Variants in TNFRSF21 observed in about 807,000 individuals in gnomAD.
TNFRSF21 encodes tumor necrosis factor receptor superfamily member 21.
In TNFRSF21, 19 loss-of-function variants were observed where a neutral mutation model predicts 45.6. That is an observed-to-expected ratio of 0.42 (90% CI 0.29 to 0.61). TNFRSF21 has a LOEUF of 0.61. TNFRSF21 is among the 20% of genes least tolerant of loss of function. The probability of loss-of-function intolerance (pLI) is 0.23; values close to 1 mark genes in which losing one functional copy is unlikely to be tolerated. For synonymous variants in TNFRSF21, 314 were observed against 335.5 expected, an observed-to-expected ratio of 0.94 and a Z score of 0.70; for missense variants, 737 against 851.5, an observed-to-expected ratio of 0.87 and a Z score of 1.67.
At chr6:47,258,211 A>G (rs531074088) in intron 3 of TNFRSF21, among the ~76,000 whole-genome samples, 2 of 152,058 alleles carry the variant, frequency 1.3e-5, no homozygotes, top group Non-Finnish European at 2.9e-5. Context: ...TCTACTAAAA[A>G]TACAAAAAAT....
intron 4 of TNFRSF21, among the ~76,000 whole-genome samples, chr6:47,238,004 C>T (rs1411258316): frequency 1.3e-5 from 2 of 151,992 alleles, no homozygotes; most frequent in Non-Finnish European, 2.9e-5. Flanking sequence ...GAGCCAAGAT[C>T]GTGCCACTGC....
chr6:47,256,255 TG>T (rs1336661753), intron 3 of TNFRSF21, among the ~76,000 whole-genome samples: 1 of 152,182 alleles, frequency 6.6e-6, no homozygotes, highest in Non-Finnish European at 1.5e-5. Flanking sequence ...ATGGGCAGGG[TG>T]GCTCACACCT....
At chr6:47,245,237 G>A (rs1269820334) in intron 4 of TNFRSF21, among the ~76,000 whole-genome samples, 1 of 152,148 alleles carries the variant, frequency 6.6e-6, no homozygotes, top group African/African-American at 2.4e-5. Flanking sequence ...TCTCAAGTCT[G>A]GCTCACATAT....
intron 3 of TNFRSF21, among the ~76,000 whole-genome samples, chr6:47,276,444 A>G (rs1174271922): frequency 1.3e-5 from 2 of 152,228 alleles, no homozygotes; most frequent in East Asian, 3.9e-4. Context: ...AAATTCGAGA[A>G]AGCCTCCAAG....
In TNFRSF21 at chr6:47,234,888, T is replaced by A; in HGVS notation, c.1520A>T (p.Asp507Val). Reference protein sequence around the residue: ...LMEDTTQLETDKLALPMSPSP... With the variant: ...LMEDTTQLETVKLALPMSPSP... ...GGGGCTCATCGGGAGAGCTAGTTTGTCAGTTTCCAGCTGTAGGAGGGAAAA... is the reference window on the plus strand; with the variant it reads ...GGGGCTCATCGGGAGAGCTAGTTTGACAGTTTCCAGCTGTAGGAGGGAAAA... The change falls in exon 5 of 6, where the codon GAC (aspartate) becomes GTC (valine). Residue 507 changes from aspartate to valine, a missense_variant. Transcript: ENST00000296861. The A allele has an allele frequency of 7.2e-7, 1 of 1,380,056 alleles. No homozygotes were observed. Among genetic ancestry groups the A allele is most frequent in the Non-Finnish European group, 9.4e-7 (1 of 1,066,288 alleles). The allele number at this position is 1,380,056 out of a possible 1,614,324, so 85.5% of individuals were successfully genotyped here.
chr6:47,269,215 A>G (rs7768672), intron 3 of TNFRSF21, among the ~76,000 whole-genome samples: 2,050 of 151,580 alleles, frequency 0.014, 40 homozygotes, highest in African/African-American at 0.046. Flanking sequence ...ACACAGACAC[A>G]CACAGACACA....
intron 1 of TNFRSF21, among the ~76,000 whole-genome samples, chr6:47,300,852 A>C (rs1322997389): frequency 6.6e-6 from 1 of 152,238 alleles, no homozygotes; most frequent in African/African-American, 2.4e-5. Context: ...ATATACCCAA[A>C]GTCTAGCAAT....
chr6:47,252,984 C>G (rs964510885), intron 4 of TNFRSF21, among the ~76,000 whole-genome samples: 21 of 151,862 alleles, frequency 1.4e-4, no homozygotes, highest in Non-Finnish European at 2.8e-4. Flanking sequence ...CACGCTCTGC[C>G]CCCTGGAGAT....
chr6:47,257,547 G>A (rs1197570401), intron 3 of TNFRSF21, among the ~76,000 whole-genome samples: 4 of 152,210 alleles, frequency 2.6e-5, no homozygotes, highest in East Asian at 3.8e-4. Flanking sequence ...CCTTCCTTGT[G>A]TAGGAAAAAG....
intron 4 of TNFRSF21, among the ~76,000 whole-genome samples, chr6:47,246,925 A>T (rs1469151176): frequency 6.6e-6 from 1 of 152,156 alleles, no homozygotes; most frequent in Non-Finnish European, 1.5e-5. Context: ...ATAATTCCTC[A>T]TGCACACTTC....
intron 1 of TNFRSF21, among the ~76,000 whole-genome samples, chr6:47,305,297 G>A (rs1170830719): frequency 2.0e-5 from 3 of 152,090 alleles, no homozygotes; most frequent in Non-Finnish European, 4.4e-5. Flanking sequence ...AAGGGTGCTC[G>A]ATGCAGTTTC....
At chr6:47,287,280 C>T (rs1762663331) in intron 1 of TNFRSF21, among the ~76,000 whole-genome samples, 1 of 123,500 alleles carries the variant, frequency 8.1e-6, no homozygotes, top group South Asian at 2.6e-4. Flanking sequence ...GCACTCCAGC[C>T]TGGGTGACAA....
At chr6:47,255,165 T>C (rs1205618936) in intron 3 of TNFRSF21, among the ~76,000 whole-genome samples, 1 of 152,166 alleles carries the variant, frequency 6.6e-6, no homozygotes, top group Non-Finnish European at 1.5e-5. Context: ...GCATCTGTGG[T>C]CCCCAGATCT....
At chr6:47,287,307 C>CAAAAA (rs1164380285) in intron 1 of TNFRSF21, among the ~76,000 whole-genome samples, 168 of 20,428 alleles carry the variant, frequency 8.2e-3, no homozygotes, top group Middle Eastern at 0.05. Flanking sequence ...AACTCTTTCT[C>CAAAAA]AAAAAAAAAA....
At chr6:47,233,329 T>C (rs1193824377) in intron 5 of TNFRSF21, among the ~76,000 whole-genome samples, 1 of 152,206 alleles carries the variant, frequency 6.6e-6, no homozygotes, top group Non-Finnish European at 1.5e-5. Context: ...AGAAGGTGAA[T>C]GGTGAGATAC....
chr6:47,280,034 A>T (rs928474052), intron 3 of TNFRSF21, among the ~76,000 whole-genome samples: 4 of 152,218 alleles, frequency 2.6e-5, no homozygotes, highest in African/African-American at 9.6e-5. Flanking sequence ...AAAAACTATA[A>T]GTCCATGGTA....
chr6:47,253,504 G>C lies in TNFRSF21; in HGVS notation c.1261C>G (p.Leu421Val), dbSNP rs768212691. 1.2e-6 allele frequency: 2 copies of C among 1,612,364 alleles called. No homozygotes were observed. Among genetic ancestry groups the C allele is most frequent in the Non-Finnish European group, 8.5e-7 (1 of 1,180,008 alleles). The change falls in exon 4 of 6, where the codon CTT becomes GTT. Residue 421 changes from leucine (L) to valine (V), a missense_variant. Transcript: ENST00000296861. ...TGGCTTCCCACTTGGGCTGCTACAA[G>C]CTTCAGGATATCGATACCTACACCA... is the stretch of plus-strand genomic sequence containing the variant. ...CNGHGIDILKLVAAQVGSQWK... is the reference protein window; with the variant it reads ...CNGHGIDILKVVAAQVGSQWK...
chr6:47,277,537 T>G (rs913833318), intron 3 of TNFRSF21, among the ~76,000 whole-genome samples: 3 of 152,164 alleles, frequency 2.0e-5, no homozygotes, highest in Non-Finnish European at 4.4e-5. Context: ...CACTCATGTA[T>G]GTAATCCTCA....
In TNFRSF21 at chr6:47,288,340, T is replaced by C. The variant is rs369570005; in HGVS notation, c.97-1745A>G. The stretch of plus-strand genomic sequence containing the variant: ...CCAACTGCTTGTTTGAAAACAGAGC[T>C]AATCTCTGTGTTACACTGCTTTGGA... On this transcript the variant is annotated intron_variant, in intron 1 of 5. Coordinates refer to ENST00000296861, the MANE Select transcript of TNFRSF21 (RefSeq NM_014452.5). Among the ~76,000 whole-genome samples, 19 of 152,342 alleles carry C rather than the reference T, an allele frequency of 1.2e-4. 1 individual carries two copies. The South Asian group carries it at 3.1e-3, about 25-fold the overall frequency.
Sources: allele counts gnomAD v4.1 joint callset (sites outside exome capture counted in the v4.1 genomes callset), GRCh38; gene constraint gnomAD v4.1.1; transcripts MANE v1.5; gene names NCBI Gene and HGNC (gene_info 2026-07-23, HGNC 2026-07-21).